The following VPS8 variants were observed in gnomAD, a reference collection of about 807,000 sequenced individuals.
VPS8 encodes vacuolar protein sorting-associated protein 8 homolog.
VPS8 carries 129 observed loss-of-function variants against 216.4 expected under a neutral mutation model. The ratio of observed to expected loss-of-function variants is 0.60; its 90% CI spans 0.52 to 0.69. The LOEUF (loss-of-function observed/expected upper bound fraction) is 0.69, where lower values mean the gene tolerates loss of function less well. VPS8 is among the 30% of genes least tolerant of loss of function. VPS8 has a pLI of 0.00. For missense variants in VPS8, 1,531 were observed against 1,683.5 expected, an observed-to-expected ratio of 0.91 and a Z score of 1.59; for synonymous variants, 571 against 565.4, an observed-to-expected ratio of 1.01 and a Z score of -0.14.
chr3:184,896,924 CAAG>C (rs917268666), intron 23 of VPS8, among the ~76,000 whole-genome samples: 4 of 151,810 alleles, frequency 2.6e-5, no homozygotes, highest in Non-Finnish European at 4.4e-5. Context: ...AGCTGAATGA[CAAG>C]AAGGAATCAG....
chr3:184,847,206 A>G (rs1723296081), intron 8 of VPS8, among the ~76,000 whole-genome samples: 1 of 152,308 alleles, frequency 6.6e-6, no homozygotes, highest in Admixed American at 6.5e-5. Context: ...TGTGCTATGT[A>G]GTTATACTCA....
chr3:184,907,625 G>T (rs1009017616), intron 25 of VPS8, among the ~76,000 whole-genome samples: 1 of 152,126 alleles, frequency 6.6e-6, no homozygotes, highest in African/African-American at 2.4e-5. Flanking sequence ...GCCATATTTT[G>T]GGGTGAAATT....
chr3:185,037,652 A>G (rs897610550), intron 46 of VPS8, among the ~76,000 whole-genome samples: 13 of 151,910 alleles, frequency 8.6e-5, no homozygotes, highest in African/African-American at 3.1e-4. Flanking sequence ...ACTTTTCTTC[A>G]TTCTTTTTTC....
intron 37 of VPS8, among the ~76,000 whole-genome samples, chr3:184,959,532 C>G (rs777049216): frequency 6.6e-6 from 1 of 152,190 alleles, no homozygotes; most frequent in Non-Finnish European, 1.5e-5. Flanking sequence ...CACCGCCCCC[C>G]ACCACCACCC....
Position 184,867,119 on chromosome 3 carries a change from T to C in VPS8, c.1470+169T>C, listed in dbSNP as rs191705133. On this transcript the variant is annotated intron_variant, in intron 17 of 47. Transcript: ENST00000625842. ...GATTTTTAGTTAATTATTTTTTTCC[T>C]CTACTTTTAGACATATTCTTTACTT... is the stretch of plus-strand genomic sequence containing the variant. Among the ~76,000 whole-genome samples, 20 of 152,354 alleles carry C rather than the reference T, an allele frequency of 1.3e-4. No homozygotes were observed. In the South Asian group the frequency reaches 1.4e-3, roughly 11 times the overall value.
chr3:184,926,028 G>T (rs529479097), intron 30 of VPS8, among the ~76,000 whole-genome samples: 1 of 150,516 alleles, frequency 6.6e-6, no homozygotes, highest in South Asian at 2.1e-4. Flanking sequence ...GCCCTCCTCG[G>T]CCTCCCAAAG....
chr3:184,888,601 A>G (rs1343184779), intron 22 of VPS8, among the ~76,000 whole-genome samples: 2 of 152,212 alleles, frequency 1.3e-5, no homozygotes, highest in African/African-American at 4.8e-5. Context: ...TATTCTACTT[A>G]ACCCTCATAA....
intron 21 of VPS8, among the ~76,000 whole-genome samples, chr3:184,876,878 C>A (rs1729369007): frequency 6.6e-6 from 1 of 152,190 alleles, no homozygotes; most frequent in Non-Finnish European, 1.5e-5. Flanking sequence ...ATTTTCTACA[C>A]AGCAGCCAAA....
rs374279385 is a variant in VPS8, at chr3:184,929,589, T to C, written c.2724T>C (p.Ile908=). 2 of 1,518,700 alleles carry C rather than the reference T, an allele frequency of 1.3e-6. No individual in the cohort carries two copies. 94.1% of individuals were successfully genotyped at this position (1,518,700 alleles called of 1,614,324 possible). A position where few individuals can be genotyped will look rare whatever the true frequency, so the allele number is the denominator to read the frequency against. The change falls in exon 33 of 48, where the codon ATT becomes ATC. Residue 908 remains isoleucine, a synonymous_variant. Transcript: ENST00000625842. ...TCCCTTTACATTCTAGCTATCAAAT[T>C]TGTGAATTTATGTATGAAAGAGAAC... is the stretch of plus-strand genomic sequence containing the variant. The part of the protein sequence containing the change: ...RMAEKAEFYQ[I]CEFMYEREHQ...
intron 36 of VPS8, among the ~76,000 whole-genome samples, chr3:184,954,464 T>C (rs1029276629): frequency 6.6e-6 from 1 of 152,174 alleles, no homozygotes. Flanking sequence ...CCAGCCCTTA[T>C]CCTGAGGCTG....
Position 184,900,954 on chromosome 3 carries a change from G to T in VPS8, c.2128G>T (p.Ala710Ser), listed in dbSNP as rs1369406138. ...CAGAGTCATTGCTCCTCCTCTGAATGCAGGAAAAACACTAACAGGTATTTA... is the reference window on the plus strand; with the variant it reads ...CAGAGTCATTGCTCCTCCTCTGAATTCAGGAAAAACACTAACAGGTATTTA... ...LFRVIAPPLN[A>S]GKTLTDEQVV... Residue 710 changes from alanine (A) to serine (S), a missense_variant, in exon 25 of 48, where the codon GCA becomes TCA. Ala to Ser is a moderately conservative substitution (Grantham distance 99). Transcript: ENST00000625842. 2.5e-6 allele frequency: 4 copies of T among 1,606,420 alleles called. No homozygotes were observed. Among genetic ancestry groups the T allele is most frequent in the Admixed American group, 1.7e-5 (1 of 57,722 alleles).
At position 184,915,009 on chromosome 3, in the gene VPS8, CT is replaced by C; in HGVS notation, c.2220del (p.Gly741ValfsTer19). On this transcript the variant is annotated frameshift_variant, in exon 27 of 48. Transcript: ENST00000625842. LOFTEE classifies it high-confidence loss of function. ...TTGTCTAGCAGGTCGTGCCTATCCC[CT>C]TGGTGACATCCCTGAAGATCTGGTT... Reference protein sequence around the residue: ...SCCLAGRAYPLGDIPEDLVPL... With the variant: ...SCCLAGRAYPXGDIPEDLVPL... 2.5e-6 allele frequency: 4 copies of C among 1,614,008 alleles called. No individual in the cohort carries two copies. Among genetic ancestry groups the C allele is most frequent in the Non-Finnish European group, 3.4e-6 (4 of 1,179,874 alleles).
chr3:184,903,533 C>A (rs1341641180), intron 25 of VPS8, among the ~76,000 whole-genome samples: 3 of 152,128 alleles, frequency 2.0e-5, no homozygotes, highest in Non-Finnish European at 4.4e-5. Flanking sequence ...TTCATTGCAG[C>A]CTCAAACTTA....
At chr3:185,019,836 A>G (rs990845690) in intron 45 of VPS8, among the ~76,000 whole-genome samples, 1 of 152,212 alleles carries the variant, frequency 6.6e-6, no homozygotes, top group Non-Finnish European at 1.5e-5. Context: ...TCTTTATTTC[A>G]TAATTAAATG....
At chr3:185,045,765 T>TA (rs71632043) in intron 46 of VPS8, among the ~76,000 whole-genome samples, 6,378 of 128,976 alleles carry the variant, frequency 0.049, 240 homozygotes, top group African/African-American at 0.096. Flanking sequence ...AGACTCCGTC[T>TA]AAAAAAAAAA....
chr3:184,822,398 C>T (rs1385931993), intron 1 of VPS8, among the ~76,000 whole-genome samples: 4 of 152,090 alleles, frequency 2.6e-5, no homozygotes, highest in Admixed American at 6.6e-5. Context: ...TTGGGGTTCA[C>T]AGATGCTGAA....
At chr3:184,987,487 G>C (rs548918778) in intron 42 of VPS8, among the ~76,000 whole-genome samples, 1 of 151,980 alleles carries the variant, frequency 6.6e-6, no homozygotes, top group Non-Finnish European at 1.5e-5. Context: ...CATAGAGTGC[G>C]TAGTCTTTTC....
intron 25 of VPS8, among the ~76,000 whole-genome samples, chr3:184,901,831 T>C (rs759045178): frequency 3.9e-5 from 6 of 152,176 alleles, no homozygotes; most frequent in Non-Finnish European, 7.3e-5. Flanking sequence ...GATTGTATGG[T>C]AAATATATAT....
rs537104242 is a variant in VPS8, at chr3:184,812,720, C to G, written c.-89+495C>G. On this transcript the variant is annotated intron_variant, in intron 1 of 47. Transcript: ENST00000625842. ...TGCGGCAATTAGGCTGAGGGACTGG[C>G]GCGCCCGCTCCCCCGACTGTGAGCC... The G allele has an allele frequency of 3.9e-5, 6 of 152,358 alleles. No individual in the cohort carries two copies. In the East Asian group the frequency reaches 5.8e-4, roughly 15 times the overall value. The allele number at this position is 152,358 out of a possible 1,614,324, so 9.4% of individuals were successfully genotyped here. A position where few individuals can be genotyped will look rare whatever the true frequency, so the allele number is the denominator to read the frequency against.
Sources: allele counts gnomAD v4.1 joint callset (sites outside exome capture counted in the v4.1 genomes callset), GRCh38; gene constraint gnomAD v4.1.1; transcripts MANE v1.5; gene names NCBI Gene and HGNC (gene_info 2026-07-23, HGNC 2026-07-21).